Variants in DTNBP1 observed in about 807,000 individuals in gnomAD.
DTNBP1 encodes dysbindin.
DTNBP1 carries 35 observed loss-of-function variants against 42.8 expected under a neutral mutation model. The observed-to-expected ratio is 0.82, with a 90% CI of 0.63 to 1.09. The LOEUF (loss-of-function observed/expected upper bound fraction) is 1.09, where lower values mean the gene tolerates loss of function less well. DTNBP1 is among the 50% of genes least tolerant of loss of function. The probability of loss-of-function intolerance (pLI) is 0.00; values close to 1 mark genes in which losing one functional copy is unlikely to be tolerated. For synonymous variants in DTNBP1, 171 were observed against 162.2 expected, an observed-to-expected ratio of 1.05 and a Z score of -0.41; for missense variants, 457 against 424.2, an observed-to-expected ratio of 1.08 and a Z score of -0.68.
rs556911118 is a variant in DTNBP1 at position 15,649,023 on chromosome 6, G to C, written c.161+2290C>G. On this transcript the variant is annotated intron_variant, in intron 3 of 9. Transcript: ENST00000344537. ...AAACAAGAAAATAGCGAGCGTTGGT[G>C]AGGATAGGAAGAAATTAGAACCTTT... 2.0e-4 allele frequency among the ~76,000 whole-genome samples: 31 copies of C among 152,258 alleles called. 1 individual carries two copies. Among genetic ancestry groups the C allele is most frequent in the African/African-American group, 7.0e-4 (29 of 41,566 alleles).
chr6:15,645,319 G>C (rs1354197006), intron 3 of DTNBP1, among the ~76,000 whole-genome samples: 2 of 151,706 alleles, frequency 1.3e-5, no homozygotes, highest in African/African-American at 4.8e-5. Context: ...ACCAAAAAAA[G>C]CCCTAGACCA....
chr6:15,566,953 A>T (rs1775119688), intron 7 of DTNBP1, among the ~76,000 whole-genome samples: 1 of 152,086 alleles, frequency 6.6e-6, no homozygotes, highest in African/African-American at 2.4e-5. Flanking sequence ...AGCCTCCCAA[A>T]GTGCTGAGTT....
At chr6:15,649,777 A>G (rs1760879288) in intron 3 of DTNBP1, among the ~76,000 whole-genome samples, 1 of 152,194 alleles carries the variant, frequency 6.6e-6, no homozygotes, top group African/African-American at 2.4e-5. Context: ...CATTATTGAC[A>G]CCGTCTTACG....
intron 7 of DTNBP1, among the ~76,000 whole-genome samples, chr6:15,586,417 G>A (rs893530850): frequency 6.6e-6 from 1 of 151,596 alleles, no homozygotes; most frequent in African/African-American, 2.4e-5. Flanking sequence ...ACTCCCGCTG[G>A]TCCCCTCTGA....
intron 7 of DTNBP1, among the ~76,000 whole-genome samples, chr6:15,589,732 AT>A (rs1221030571): frequency 2.6e-5 from 4 of 152,226 alleles, no homozygotes; most frequent in Non-Finnish European, 4.4e-5. Context: ...GAAAAGAGAC[AT>A]CCCTGGATAC....
intron 7 of DTNBP1, among the ~76,000 whole-genome samples, chr6:15,567,099 T>C (rs1223297493): frequency 6.6e-6 from 1 of 152,156 alleles, no homozygotes; most frequent in Non-Finnish European, 1.5e-5. Context: ...ATGGAAACAT[T>C]TGCCATCTAT....
chr6:15,538,650 C>G (rs1430118907), intron 7 of DTNBP1, among the ~76,000 whole-genome samples: 2 of 152,198 alleles, frequency 1.3e-5, no homozygotes, highest in African/African-American at 2.4e-5. Flanking sequence ...AGGTCCCTGA[C>G]CAAATCTGGT....
At chr6:15,661,364 AG>A (rs1172645502) in intron 1 of DTNBP1, among the ~76,000 whole-genome samples, 3 of 29,220 alleles carry the variant, frequency 1.0e-4, no homozygotes, top group Non-Finnish European at 2.1e-4. Flanking sequence ...TTTAAAAAAA[AG>A]GGGGGGAGGG....
intron 7 of DTNBP1, among the ~76,000 whole-genome samples, chr6:15,554,848 T>C (rs1378765252): frequency 6.6e-6 from 1 of 152,158 alleles, no homozygotes; most frequent in Non-Finnish European, 1.5e-5. Flanking sequence ...GTGCAGTCTC[T>C]GTAGACTGGC....
At chr6:15,651,411 GAAAAA>G in intron 2 of DTNBP1, 48 bp from the exon 3 acceptor site, 1 of 1,287,506 alleles carries the variant, frequency 7.8e-7, no homozygotes, top group Non-Finnish European at 1.1e-6. Context: ...TTAGCCAACT[GAAAAA>G]AAAAAAAAGG....
chr6:15,526,664 T>C (rs987291361), intron 8 of DTNBP1, among the ~76,000 whole-genome samples: 2 of 152,170 alleles, frequency 1.3e-5, no homozygotes, highest in Admixed American at 6.5e-5. Flanking sequence ...CAGGGGAATT[T>C]GAAGGCACGC....
Position 15,663,011 on chromosome 6 carries a change from C to T in DTNBP1, c.-142G>A, listed in dbSNP as rs530331862. On this transcript the variant is annotated 5_prime_UTR_variant, in exon 1 of 10. Transcript: ENST00000344537. ...GGCCCCGCCCCCGGTCTGGTCCTCG[C>T]CGCCGCGCCGCAACCCCAGCCCCTT... 4.4e-4 allele frequency: 531 copies of T among 1,209,156 alleles called. 1 individual carries two copies. The highest frequency in any genetic ancestry group is 6.0e-4 in the Non-Finnish European group (518 of 867,484). 74.9% of individuals were successfully genotyped at this position (1,209,156 alleles called of 1,614,324 possible). A position where few individuals can be genotyped will look rare whatever the true frequency, so the allele number is the denominator to read the frequency against.
At chr6:15,641,489 A>G (rs997567716) in intron 3 of DTNBP1, among the ~76,000 whole-genome samples, 7 of 152,174 alleles carry the variant, frequency 4.6e-5, no homozygotes, top group African/African-American at 1.7e-4. Flanking sequence ...TTACCCCTCC[A>G]ACAATCTCCT....
At chr6:15,615,072 T>C in intron 6 of DTNBP1, 195 bp downstream of exon 6, 1 of 806,874 alleles carries the variant, frequency 1.2e-6, no homozygotes. Flanking sequence ...TACCTTCTCC[T>C]GAGTTTTTTA....
intron 7 of DTNBP1, among the ~76,000 whole-genome samples, chr6:15,572,465 A>G (rs905078168): frequency 6.6e-6 from 1 of 152,248 alleles, no homozygotes; most frequent in African/African-American, 2.4e-5. Flanking sequence ...ACAAGACAAG[A>G]AACCAAACAA....
chr6:15,603,647 T>G (rs1287787773), intron 6 of DTNBP1, among the ~76,000 whole-genome samples: 3 of 152,238 alleles, frequency 2.0e-5, no homozygotes, highest in Admixed American at 1.3e-4. Context: ...TTGTTTGTTA[T>G]ACAGTTAATT....
chr6:15,575,659 A>C (rs2113546301), intron 7 of DTNBP1, among the ~76,000 whole-genome samples: 1 of 152,350 alleles, frequency 6.6e-6, no homozygotes, highest in Non-Finnish European at 1.5e-5. Flanking sequence ...TGAGAAAAAC[A>C]CTTTTCAAAA....
intron 6 of DTNBP1, among the ~76,000 whole-genome samples, chr6:15,603,860 C>T (rs946714037): frequency 3.9e-5 from 6 of 152,190 alleles, no homozygotes; most frequent in Non-Finnish European, 5.9e-5. Flanking sequence ...ACTGTTAGCT[C>T]ACCCTCTTGG....
intron 3 of DTNBP1, among the ~76,000 whole-genome samples, chr6:15,638,201 C>A (rs1420263063): frequency 6.6e-6 from 1 of 151,894 alleles, no homozygotes; most frequent in Non-Finnish European, 1.5e-5. Context: ...GATCTCGACT[C>A]ACTGCAACCT....
Sources: gnomAD v4.1 joint callset for allele counts (sites outside exome capture counted in the v4.1 genomes callset) on GRCh38, gnomAD v4.1.1 for gene constraint, MANE v1.5 for transcripts, NCBI Gene and HGNC (gene_info 2026-07-23, HGNC 2026-07-21) for gene names.